COL24A1: variants seen among roughly 807,000 people sequenced by gnomAD.
COL24A1 encodes collagen type XXIV alpha 1 chain.
In COL24A1, 224 loss-of-function variants were observed where a neutral mutation model predicts 253.9. The ratio of observed to expected loss-of-function variants is 0.88; its 90% CI spans 0.79 to 0.99. The LOEUF (loss-of-function observed/expected upper bound fraction) is 0.99. Ranked by LOEUF, COL24A1 falls within the 50% of genes least tolerant of loss-of-function variation. COL24A1 has a pLI of 0.00. For missense variants in COL24A1, 2,131 were observed against 2,068.5 expected, an observed-to-expected ratio of 1.03 and a Z score of -0.59; for synonymous variants, 685 against 673.7, an observed-to-expected ratio of 1.02 and a Z score of -0.26.
chr1:86,087,105 G>A (rs568274629), intron 7 of COL24A1, among the ~76,000 whole-genome samples: 18 of 152,076 alleles, frequency 1.2e-4, no homozygotes, highest in African/African-American at 2.2e-4. Context: ...TTGATAATAC[G>A]CCAAGATCCC....
intron 43 of COL24A1, among the ~76,000 whole-genome samples, chr1:85,835,958 A>G (rs1675955721): frequency 6.6e-6 from 1 of 152,206 alleles, no homozygotes; most frequent in Non-Finnish European, 1.5e-5. Flanking sequence ...TGCAGGTCAT[A>G]AGACACATGT....
intron 47 of COL24A1, among the ~76,000 whole-genome samples, chr1:85,795,839 TATATAA>T (rs1463232701): frequency 1.3e-5 from 2 of 152,108 alleles, no homozygotes; most frequent in Non-Finnish European, 1.5e-5. Context: ...ACCCAGAAGT[TATATAA>T]ATAATACTTT....
intron 3 of COL24A1, among the ~76,000 whole-genome samples, chr1:86,116,985 T>G (rs1170260638): frequency 6.6e-6 from 1 of 152,202 alleles, no homozygotes; most frequent in Non-Finnish European, 1.5e-5. Context: ...TTAATTCTGG[T>G]CCTGTTGTTA....
chr1:86,028,746 A>C (rs1037362743), intron 14 of COL24A1, among the ~76,000 whole-genome samples: 1 of 152,248 alleles, frequency 6.6e-6, no homozygotes, highest in Non-Finnish European at 1.5e-5. Context: ...AAAATACAGA[A>C]GATCCACTTA....
rs1000855389 is a variant in COL24A1, at chr1:85,959,944, C to T, written c.2562+1305G>A. Among the ~76,000 whole-genome samples the T allele has an allele frequency of 9.2e-5, 14 of 152,080 alleles. 1 individual carries two copies. The highest frequency in any genetic ancestry group is 1.4e-4 in the African/African-American group (6 of 41,424). Reference sequence around the variant, plus strand: ...TGAGTAATCTTAGAGAAATATGTTACAATCATATTTGACTAGAAGCCTTTA... The same window carrying T: ...TGAGTAATCTTAGAGAAATATGTTATAATCATATTTGACTAGAAGCCTTTA... On this transcript the variant is annotated intron_variant, in intron 24 of 59. Transcript: ENST00000370571.
chr1:85,816,662 T>C, intron 47 of COL24A1, 126 bp downstream of exon 47: 4 of 732,056 alleles, frequency 5.5e-6, no homozygotes, highest in Non-Finnish European at 9.7e-6. Flanking sequence ...TAATAGCTAT[T>C]AGAGAAATGA....
rs146500327 is a variant in COL24A1 at position 85,777,019 on chromosome 1, A to G, written c.4339-1310T>C. The stretch of plus-strand genomic sequence containing the variant: ...GGCTGGAGTGCAGTGGCATGATCTC[A>G]GCTCACTACAACCTCCACCTCCTGG... On this transcript the variant is annotated intron_variant, in intron 52 of 59. Coordinates refer to ENST00000370571, the MANE Select transcript of COL24A1 (RefSeq NM_152890.7). Among the ~76,000 whole-genome samples, 1,400 of 151,708 alleles carry G rather than the reference A, an allele frequency of 9.2e-3. 56 individuals are homozygous for G. The highest frequency in any genetic ancestry group is 0.063 in the Admixed American group (955 of 15,202).
At chr1:86,038,571 T>C (rs1421136310) in intron 12 of COL24A1, among the ~76,000 whole-genome samples, 1 of 152,166 alleles carries the variant, frequency 6.6e-6, no homozygotes, top group Non-Finnish European at 1.5e-5. Flanking sequence ...CCGGTATTCA[T>C]GCTGTTATGT....
intron 43 of COL24A1, among the ~76,000 whole-genome samples, chr1:85,829,090 C>T (rs1674819788): frequency 6.6e-6 from 1 of 151,264 alleles, no homozygotes; most frequent in Non-Finnish European, 1.5e-5. Context: ...TTTAGCGCTT[C>T]CTTCAGGAGC....
Position 86,156,634 on chromosome 1 carries a change from G to C in COL24A1, c.-238C>G, listed in dbSNP as rs926679098. On this transcript the variant is annotated 5_prime_UTR_variant, in exon 1 of 60. Transcript: ENST00000370571. ...TCTGGCTCGGTAACGAACGAGCCCAGGGTTGCGCTCCCCGGGGAGGGCGGG... is the reference window on the plus strand; with the variant it reads ...TCTGGCTCGGTAACGAACGAGCCCACGGTTGCGCTCCCCGGGGAGGGCGGG... 1.1e-5 allele frequency: 4 copies of C among 377,582 alleles called. No individual in the cohort carries two copies. The South Asian group carries it at 2.6e-4, about 24-fold the overall frequency. The allele number at this position is 377,582 out of a possible 1,614,324, so 23.4% of individuals were successfully genotyped here.
chr1:85,987,670 A>AT lies in COL24A1; in HGVS notation c.2311-17dup. 3 of 1,601,944 alleles carry AT rather than the reference A, an allele frequency of 1.9e-6. No homozygotes were observed. The South Asian group carries it at 3.4e-5, about 18-fold the overall frequency. ...CTGGAAAACCCTAGGGAATATAAAA[A>AT]TGTAGCGTTTATTCCATAGAAAATT... On this transcript the variant is annotated splice_polypyrimidine_tract_variant and intron_variant, in intron 19 of 59. Transcript: ENST00000370571.
chr1:85,871,008 A>C (rs1448859934), intron 35 of COL24A1, among the ~76,000 whole-genome samples: 1 of 152,186 alleles, frequency 6.6e-6, no homozygotes, highest in Non-Finnish European at 1.5e-5. Flanking sequence ...AAAAATGATA[A>C]AGGGGTTATC....
intron 52 of COL24A1, among the ~76,000 whole-genome samples, chr1:85,776,962 T>TATTTATTA (rs1375949792): frequency 2.6e-5 from 4 of 151,170 alleles, no homozygotes; most frequent in Non-Finnish European, 4.4e-5. Flanking sequence ...CTTATTTTTT[T>TATTTATTA]TTTTTTGAGA....
At chr1:85,839,262 A>G (rs868613614) in intron 42 of COL24A1, among the ~76,000 whole-genome samples, 6 of 152,184 alleles carry the variant, frequency 3.9e-5, no homozygotes, top group Non-Finnish European at 7.4e-5. Flanking sequence ...ACAGTATGTT[A>G]TAAATGATGC....
chr1:85,963,832 C>T (rs1053729394), intron 23 of COL24A1, among the ~76,000 whole-genome samples: 2 of 152,154 alleles, frequency 1.3e-5, no homozygotes, highest in African/African-American at 4.8e-5. Context: ...TGGTAGCTCA[C>T]AGTTGGATTT....
At chr1:85,924,196 A>G (rs185229935) in intron 24 of COL24A1, among the ~76,000 whole-genome samples, 3 of 152,326 alleles carry the variant, frequency 2.0e-5, no homozygotes, top group Admixed American at 2.0e-4. Context: ...CCAACCAAAA[A>G]AAGTCAAGGA....
In COL24A1 at chr1:85,786,225, C is replaced by T. The variant is rs188099492; in HGVS notation, c.4059+129G>A. On this transcript the variant is annotated intron_variant, in intron 48 of 59. Coordinates refer to ENST00000370571, the MANE Select transcript of COL24A1 (RefSeq NM_152890.7). ...AACTACATACTTTCTCTTTTCCTAA[C>T]GTGCTTTTACTATTAGCCAAATTCT... is the stretch of plus-strand genomic sequence containing the variant. 60 of 684,762 alleles carry T rather than the reference C, an allele frequency of 8.8e-5. No homozygotes were observed. The Admixed American group carries it at 1.4e-3, about 16-fold the overall frequency. 42.4% of individuals were successfully genotyped at this position (684,762 alleles called of 1,614,324 possible). A position where few individuals can be genotyped will look rare whatever the true frequency, so the allele number is the denominator to read the frequency against.
At chr1:85,757,083 G>A (rs575814509) in intron 55 of COL24A1, among the ~76,000 whole-genome samples, 89 of 152,202 alleles carry the variant, frequency 5.8e-4, no homozygotes, top group African/African-American at 2.0e-3. Context: ...TTACTTAATG[G>A]GTACAGAGTT....
Position 85,746,421 on chromosome 1 carries a change from A to T in COL24A1, c.4438-915T>A, listed in dbSNP as rs920645378. On this transcript the variant is annotated intron_variant, in intron 55 of 59. Coordinates refer to ENST00000370571, the MANE Select transcript of COL24A1 (RefSeq NM_152890.7). ...TCATTCTGCATATATATACTGCCAAACACTGTGATATATATTGAGGATAAA... is the reference window on the plus strand; with the variant it reads ...TCATTCTGCATATATATACTGCCAATCACTGTGATATATATTGAGGATAAA... 2.6e-5 allele frequency among the ~76,000 whole-genome samples: 4 copies of T among 152,334 alleles called. No homozygotes were observed. In the East Asian group the frequency reaches 5.8e-4, roughly 22 times the overall value.
Sources: gnomAD v4.1 joint callset for allele counts (sites outside exome capture counted in the v4.1 genomes callset) on GRCh38, gnomAD v4.1.1 for gene constraint, MANE v1.5 for transcripts, NCBI Gene and HGNC (gene_info 2026-07-23, HGNC 2026-07-21) for gene names.